FGF12: variants seen among roughly 807,000 people sequenced by gnomAD.
FGF12 encodes fibroblast growth factor 12B.
FGF12 carries 14 observed loss-of-function variants against 23.6 expected under a neutral mutation model. The observed-to-expected ratio is 0.59, with a 90% CI of 0.39 to 0.93. The LOEUF (loss-of-function observed/expected upper bound fraction) is 0.93. Among genes scored for constraint, FGF12 ranks in the 40% least tolerant of loss-of-function variants. The probability of loss-of-function intolerance (pLI) is 0.00; values close to 1 mark genes in which losing one functional copy is unlikely to be tolerated. For synonymous variants in FGF12, 62 were observed against 77.3 expected (o/e 0.80, Z 1.04); for missense variants, 175 against 217.8 (o/e 0.80, Z 1.24).
At position 192,139,625 on chromosome 3, in the gene FGF12, T is replaced by C. The variant is rs1713254391; in HGVS notation, c.*4384A>G. 1 of 152,100 alleles carries C rather than the reference T, an allele frequency of 6.6e-6. No homozygotes were observed. The highest frequency in any genetic ancestry group is 2.4e-5 in the African/African-American group (1 of 41,446). 9.4% of individuals were successfully genotyped at this position (152,100 alleles called of 1,614,324 possible). ...TACTTGGAGCAAAGACAAAGAAACA[T>C]CAGCTCATTCTTTCCAACTAATAGA... On this transcript the variant is annotated 3_prime_UTR_variant, in exon 6 of 6. Coordinates refer to ENST00000445105, the MANE Select transcript of FGF12 (RefSeq NM_004113.6).
chr3:192,327,840 G>A (rs1191070813), intron 4 of FGF12, among the ~76,000 whole-genome samples: 1 of 146,132 alleles, frequency 6.8e-6, no homozygotes, highest in Non-Finnish European at 1.5e-5. Context: ...GCTGGGAACA[G>A]AGGTGCATGC....
At chr3:192,654,093 T>C (rs750728967) in intron 2 of FGF12, among the ~76,000 whole-genome samples, 1 of 152,192 alleles carries the variant, frequency 6.6e-6, no homozygotes, top group African/African-American at 2.4e-5. Context: ...GCCTAACAAG[T>C]ATGTGAAGGA....
At chr3:192,304,108 C>T (rs982074791) in intron 4 of FGF12, among the ~76,000 whole-genome samples, 2 of 152,148 alleles carry the variant, frequency 1.3e-5, no homozygotes, top group African/African-American at 4.8e-5. Context: ...TCATTTAATG[C>T]TGCGAGAACT....
chr3:192,477,355 G>A (rs1723355934), intron 2 of FGF12, among the ~76,000 whole-genome samples: 1 of 152,186 alleles, frequency 6.6e-6, no homozygotes, highest in South Asian at 2.1e-4. Context: ...GAAAGCAGAG[G>A]TGGGAGAGTG....
chr3:192,708,595 C>A (rs554810186), intron 2 of FGF12, among the ~76,000 whole-genome samples: 1 of 151,982 alleles, frequency 6.6e-6, no homozygotes. Context: ...ATGTGCCAAG[C>A]CACTGAAATT....
intron 4 of FGF12, among the ~76,000 whole-genome samples, chr3:192,307,511 T>A (rs1367703926): frequency 6.6e-6 from 1 of 152,068 alleles, no homozygotes; most frequent in African/African-American, 2.4e-5. Context: ...AAAGCTAGAG[T>A]GGGCACAATG....
intron 4 of FGF12, among the ~76,000 whole-genome samples, chr3:192,186,997 A>C (rs901444150): frequency 3.3e-5 from 5 of 152,148 alleles, no homozygotes; most frequent in African/African-American, 1.2e-4. Flanking sequence ...GAATTCTTCT[A>C]ATTGGAATTT....
chr3:192,695,371 A>C (rs1463364911), intron 2 of FGF12, among the ~76,000 whole-genome samples: 2 of 152,082 alleles, frequency 1.3e-5, no homozygotes, highest in African/African-American at 4.8e-5. Context: ...TTAAGACTTC[A>C]TTCTTTGAGG....
intron 2 of FGF12, among the ~76,000 whole-genome samples, chr3:192,422,465 G>A (rs1033670481): frequency 1.3e-5 from 2 of 152,052 alleles, no homozygotes; most frequent in African/African-American, 4.8e-5. Context: ...AGTGAAAAGA[G>A]CATTGGTTAT....
chr3:192,457,886 T>C (rs1722728962), intron 2 of FGF12, among the ~76,000 whole-genome samples: 2 of 152,034 alleles, frequency 1.3e-5, no homozygotes, highest in Admixed American at 1.3e-4. Context: ...GAGAAAAAAG[T>C]GGTTTTGTGG....
At chr3:192,271,659 T>C (rs1249161133) in intron 4 of FGF12, among the ~76,000 whole-genome samples, 4 of 152,298 alleles carry the variant, frequency 2.6e-5, no homozygotes, top group Middle Eastern at 6.8e-3. Flanking sequence ...TAGATATCAA[T>C]TCAAATATTT....
intron 4 of FGF12, among the ~76,000 whole-genome samples, chr3:192,308,238 C>T (rs1033089772): frequency 6.6e-6 from 1 of 152,156 alleles, no homozygotes; most frequent in African/African-American, 2.4e-5. Context: ...ATAACCAGAA[C>T]CCAATATGCA....
At chr3:192,635,837 T>TCGTTTGG (rs1715560901) in intron 2 of FGF12, among the ~76,000 whole-genome samples, 2 of 152,194 alleles carry the variant, frequency 1.3e-5, no homozygotes, top group African/African-American at 2.4e-5. Flanking sequence ...GTAGAACTGA[T>TCGTTTGG]TCTCTTTTAA....
intron 2 of FGF12, among the ~76,000 whole-genome samples, chr3:192,512,443 T>C (rs1724508445): frequency 1.3e-5 from 2 of 152,130 alleles, no homozygotes; most frequent in South Asian, 4.1e-4. Context: ...AAAGTTCTTA[T>C]AACAGTGCCT....
At chr3:192,499,040 G>A (rs1420633394) in intron 2 of FGF12, among the ~76,000 whole-genome samples, 1 of 152,046 alleles carries the variant, frequency 6.6e-6, no homozygotes, top group East Asian at 1.9e-4. Flanking sequence ...TCTCTCCAAG[G>A]TGATATAAAA....
intron 4 of FGF12, among the ~76,000 whole-genome samples, chr3:192,326,109 C>A (rs890966621): frequency 6.6e-6 from 1 of 152,148 alleles, no homozygotes; most frequent in Non-Finnish European, 1.5e-5. Flanking sequence ...TTACAGTTTT[C>A]AGTGCCATGA....
chr3:192,353,219 G>A (rs1044534826), intron 3 of FGF12, among the ~76,000 whole-genome samples: 4 of 152,070 alleles, frequency 2.6e-5, no homozygotes, highest in Non-Finnish European at 5.9e-5. Context: ...GAATACACTT[G>A]GTTAAGGAGC....
chr3:192,426,700 A>G (rs1721697979), intron 2 of FGF12, among the ~76,000 whole-genome samples: 1 of 152,214 alleles, frequency 6.6e-6, no homozygotes, highest in African/African-American at 2.4e-5. Context: ...AACTATATTA[A>G]GAGCTAGAGA....
intron 4 of FGF12, among the ~76,000 whole-genome samples, chr3:192,289,343 AG>A (rs1216949772): frequency 6.6e-6 from 1 of 152,160 alleles, no homozygotes; most frequent in African/African-American, 2.4e-5. Context: ...AATTTCAGAC[AG>A]TGGCAAGTGC....
Sources: gnomAD v4.1 joint callset for allele counts (sites outside exome capture counted in the v4.1 genomes callset) on GRCh38, gnomAD v4.1.1 for gene constraint, MANE v1.5 for transcripts, NCBI Gene and HGNC (gene_info 2026-07-23, HGNC 2026-07-21) for gene names.